PDE4D: variants seen among roughly 807,000 people sequenced by gnomAD.
The protein encoded by PDE4D is phosphodiesterase 4D.
A neutral mutation model predicts 87.4 loss-of-function variants in PDE4D; 24 were observed. That is an observed-to-expected ratio of 0.27 (90% CI 0.20 to 0.39). PDE4D has a LOEUF of 0.39. Ranked by LOEUF, PDE4D falls within the 10% of genes least tolerant of loss-of-function variation. The pLI, the probability that PDE4D is intolerant of heterozygous loss-of-function variation, is 1.00. For synonymous variants in PDE4D, 384 were observed against 383.2 expected (o/e 1.00, Z -0.02); for missense variants, 714 against 1,041.0 (o/e 0.69, Z 4.32).
intron 1 of PDE4D, among the ~76,000 whole-genome samples, chr5:59,469,561 G>C (rs1802120261): frequency 6.6e-6 from 1 of 152,142 alleles, no homozygotes; most frequent in African/African-American, 2.4e-5. Context: ...GCCTTGAACA[G>C]TGCTCCTGAG....
intron 1 of PDE4D, among the ~76,000 whole-genome samples, chr5:59,659,277 T>C (rs1451415056): frequency 6.6e-6 from 1 of 152,174 alleles, no homozygotes; most frequent in Non-Finnish European, 1.5e-5. Flanking sequence ...TAATTTTCTT[T>C]CCAAAGACCA....
At chr5:59,561,205 T>C (rs960558760) in intron 1 of PDE4D, among the ~76,000 whole-genome samples, 3 of 152,212 alleles carry the variant, frequency 2.0e-5, no homozygotes, top group Non-Finnish European at 4.4e-5. Context: ...CTGTGGTTTA[T>C]ATGGCGGCAT....
intron 5 of PDE4D, among the ~76,000 whole-genome samples, chr5:59,117,525 T>G (rs1397246229): frequency 6.6e-6 from 1 of 152,184 alleles, no homozygotes; most frequent in Non-Finnish European, 1.5e-5. Context: ...TATCTATAAG[T>G]CCCAACTCAA....
chr5:60,218,853 T>C (rs1400417799), intron 1 of PDE4D, among the ~76,000 whole-genome samples: 1 of 152,076 alleles, frequency 6.6e-6, no homozygotes, highest in Non-Finnish European at 1.5e-5. Context: ...ATAAAACTCA[T>C]TCAGTGCCAC....
At chr5:59,684,596 A>G (rs1225880804) in intron 1 of PDE4D, among the ~76,000 whole-genome samples, 1 of 152,162 alleles carries the variant, frequency 6.6e-6, no homozygotes, top group Non-Finnish European at 1.5e-5. Flanking sequence ...AATAAGAAAC[A>G]GAAAGAACCA....
At chr5:60,081,640 C>T (rs1272093630) in intron 2 of PDE4D, among the ~76,000 whole-genome samples, 1 of 152,096 alleles carries the variant, frequency 6.6e-6, no homozygotes, top group Non-Finnish European at 1.5e-5. Context: ...GCCTTAATTT[C>T]ATTATTGAAC....
intron 1 of PDE4D, among the ~76,000 whole-genome samples, chr5:60,337,291 C>G (rs1757853482): frequency 6.8e-6 from 1 of 147,670 alleles, no homozygotes; most frequent in Non-Finnish European, 1.5e-5. Flanking sequence ...TGAGATTGTG[C>G]TGCTGCACTC....
At chr5:59,196,739 C>T in intron 2 of PDE4D, among the ~76,000 whole-genome samples, 1 of 151,988 alleles carries the variant, frequency 6.6e-6, no homozygotes, top group Middle Eastern at 3.4e-3. Context: ...AGTCCGAAGA[C>T]AAAAAACATT....
At position 60,509,769 on chromosome 5, in the gene PDE4D, T is replaced by C. The variant is rs530713467; in HGVS notation, n.70+12282A>G. Among the ~76,000 whole-genome samples the C allele has an allele frequency of 2.0e-5, 3 of 152,320 alleles. No homozygotes were observed. In the East Asian group the frequency reaches 5.8e-4, roughly 29 times the overall value. ...CTGCTCCACCCCTTTCTTTTTTTTG[T>C]ACTCAGTCTCCTAGAAGGCTACACT... On this transcript the variant is annotated intron_variant and non_coding_transcript_variant, in intron 1 of 2. Coordinates refer to the PDE4D transcript ENST00000506510.
chr5:59,893,417 G>A lies in PDE4D; in HGVS notation c.206C>T (p.Pro69Leu). 2 of 1,466,742 alleles carry A rather than the reference G, an allele frequency of 1.4e-6. No individual in the cohort carries two copies. Among genetic ancestry groups the A allele is most frequent in the Admixed American group, 2.2e-5 (1 of 44,938 alleles). 90.9% of individuals were successfully genotyped at this position (1,466,742 alleles called of 1,614,324 possible). The change falls in exon 1 of 15, where the codon CCC (proline) becomes CTC (leucine). Residue 69 changes from proline to leucine, a missense_variant. Pro to Leu is a moderately conservative substitution (Grantham distance 98). Coordinates refer to ENST00000340635, the MANE Select transcript of PDE4D (RefSeq NM_001104631.2). Reference protein sequence around the residue: ...PPPPPSPQPQPQCPLQPPPPP... With the variant: ...PPPPPSPQPQLQCPLQPPPPP... ...CGGCGGCGGCTGTAGCGGACACTGG[G>A]GCTGGGGCTGGGGCGAGGGTGGCGG...
chr5:60,330,116 G>A (rs1479654559), intron 1 of PDE4D, among the ~76,000 whole-genome samples: 1 of 152,206 alleles, frequency 6.6e-6, no homozygotes, highest in Non-Finnish European at 1.5e-5. Flanking sequence ...TACAATTACA[G>A]TATAGAGGAA....
At chr5:60,147,940 A>G (rs1213268264) in intron 2 of PDE4D, 1 of 340,372 alleles carries the variant, frequency 2.9e-6, no homozygotes, top group Non-Finnish European at 5.9e-6. Flanking sequence ...TAACCTCCAA[A>G]GTGGCACATC....
At chr5:59,510,536 T>C (rs1175551554) in intron 1 of PDE4D, among the ~76,000 whole-genome samples, 1 of 151,564 alleles carries the variant, frequency 6.6e-6, no homozygotes, top group African/African-American at 2.4e-5. Flanking sequence ...GAGACAGAGG[T>C]AGAGTTCCAG....
chr5:60,495,629 C>CT (rs1392802258), intron 1 of PDE4D, among the ~76,000 whole-genome samples: 1 of 152,222 alleles, frequency 6.6e-6, no homozygotes, highest in African/African-American at 2.4e-5. Context: ...ATAGATTCTA[C>CT]TTAGACTTGA....
At chr5:59,911,327 T>C (rs1416779971) in intron 3 of PDE4D, among the ~76,000 whole-genome samples, 1 of 152,148 alleles carries the variant, frequency 6.6e-6, no homozygotes, top group African/African-American at 2.4e-5. Flanking sequence ...AAGGATCAGC[T>C]GGCACCACCC....
At chr5:60,129,915 C>T (rs1779425095) in intron 2 of PDE4D, among the ~76,000 whole-genome samples, 1 of 152,126 alleles carries the variant, frequency 6.6e-6, no homozygotes, top group Non-Finnish European at 1.5e-5. Context: ...AACTCATCTG[C>T]TGAAACCTAA....
At chr5:59,456,563 C>T (rs1036519186) in intron 1 of PDE4D, among the ~76,000 whole-genome samples, 8 of 152,142 alleles carry the variant, frequency 5.3e-5, no homozygotes, top group Non-Finnish European at 1.0e-4. Context: ...CTTAACACAA[C>T]ATTCTTTCTG....
chr5:60,511,772 A>G (rs911001806), intron 1 of PDE4D, among the ~76,000 whole-genome samples: 11 of 151,974 alleles, frequency 7.2e-5, no homozygotes, highest in African/African-American at 2.7e-4. Flanking sequence ...GTCACATTAT[A>G]TTGTAGTGCA....
At chr5:60,107,183 A>G (rs1345154506) in intron 2 of PDE4D, among the ~76,000 whole-genome samples, 1 of 152,156 alleles carries the variant, frequency 6.6e-6, no homozygotes, top group Non-Finnish European at 1.5e-5. Context: ...AATATCACCA[A>G]TGATCCCACA....
Sources: gnomAD v4.1 joint callset for allele counts (sites outside exome capture counted in the v4.1 genomes callset) on GRCh38, gnomAD v4.1.1 for gene constraint, MANE v1.5 for transcripts, NCBI Gene and HGNC (gene_info 2026-07-23, HGNC 2026-07-21) for gene names.